The following DVL2 variants were observed in gnomAD, a reference collection of about 807,000 sequenced individuals.
DVL2 encodes the protein segment polarity protein dishevelled homolog DVL-2.
DVL2 carries 38 observed loss-of-function variants against 69.8 expected under a neutral mutation model. That is an observed-to-expected ratio of 0.54 (90% CI 0.42 to 0.71). The LOEUF (loss-of-function observed/expected upper bound fraction) is 0.71. Among genes scored for constraint, DVL2 ranks in the 30% least tolerant of loss-of-function variants. The pLI, the probability that DVL2 is intolerant of heterozygous loss-of-function variation, is 0.00. For missense variants in DVL2, 931 were observed against 1,008.1 expected (o/e 0.92, Z 1.04); for synonymous variants, 428 against 392.4 (o/e 1.09, Z -1.07).
intron 10 of DVL2, 66 bp downstream of exon 10, chr17:7,227,911 G>T (rs928803265): frequency 6.4e-7 from 1 of 1,573,108 alleles, no homozygotes; most frequent in Non-Finnish European, 8.6e-7. Context: ...ATGACCACAG[G>T]CCCGGCCCCA....
intron 9 of DVL2, chr17:7,228,663 C>T (rs2071495327): frequency 2.9e-6 from 1 of 342,950 alleles, no homozygotes; most frequent in Non-Finnish European, 5.4e-6. Context: ...TCACTGCAAC[C>T]TCCACCCCCC....
At position 7,234,191 on chromosome 17, in the gene DVL2, C is replaced by T. The variant is rs776994069; in HGVS notation, c.72G>A (p.Glu24=). The change falls in exon 1 of 15, where the codon GAG becomes GAA. Residue 24 remains glutamate, a synonymous_variant. Transcript: ENST00000005340. ...TKVIYHLDEE[E]TPYLVKIPVP... is the part of the protein sequence containing the mutation. ...CAGGGATCTTCACCAGGTAGGGAGT[C>T]TCTTCCTCATCCAGGTGGTAAATCA... 12 of 1,614,172 alleles carry T rather than the reference C, an allele frequency of 7.4e-6. No individual in the cohort carries two copies. The highest frequency in any genetic ancestry group is 1.7e-4 in the Middle Eastern group (1 of 6,058).
In DVL2 at chr17:7,230,376, G is replaced by A. The variant is rs772423522; in HGVS notation, c.319C>T (p.Arg107Trp). Reference protein sequence around the residue: ...PEMAPPVHEPRAELAPPAPPL... With the variant: ...PEMAPPVHEPWAELAPPAPPL... ...GGGGCTGGAGGCGCCAGTTCTGCCC[G>A]AGGCTCATGGACTGGAGGGGCCATC... The change falls in exon 3 of 15, where the codon CGG (arginine) becomes TGG (tryptophan). Residue 107 changes from arginine (R) to tryptophan (W), a missense_variant. Transcript: ENST00000005340. 2.7e-5 allele frequency: 43 copies of A among 1,614,052 alleles called. 1 individual carries two copies. Among genetic ancestry groups the A allele is most frequent in the East Asian group, 2.0e-4 (9 of 44,892 alleles).
At position 7,225,829 on chromosome 17, in the gene DVL2, C is replaced by A; in HGVS notation, c.*36G>T. ...GACGGCCAGGACACCCAGTCACACA[C>A]CAGGAGCGCCCGGCCCAGCCTGGCC... On this transcript the variant is annotated 3_prime_UTR_variant, in exon 15 of 15. Coordinates refer to ENST00000005340, the MANE Select transcript of DVL2 (RefSeq NM_004422.3). The A allele has an allele frequency of 1.3e-6, 2 of 1,587,592 alleles. No individual in the cohort carries two copies. The highest frequency in any genetic ancestry group is 1.7e-6 in the Non-Finnish European group (2 of 1,157,694).
intron 1 of DVL2, 97 bp from the exon 2 acceptor site, chr17:7,230,894 G>A: frequency 1.1e-6 from 1 of 913,160 alleles, no homozygotes; most frequent in Non-Finnish European, 1.7e-6. Context: ...GCTCCAGGAT[G>A]TTGACTTTCT....
In DVL2 at chr17:7,229,819, G is replaced by A; in HGVS notation, c.645C>T (p.Asp215=). The A allele has an allele frequency of 3.1e-6, 5 of 1,611,926 alleles. No individual in the cohort carries two copies. In the South Asian group the frequency reaches 4.4e-5, roughly 14 times the overall value. The change falls in exon 5 of 15, where the codon GAC becomes GAT. Residue 215 remains aspartate, a synonymous_variant. Transcript: ENST00000005340. The surrounding 1 kb of genome is among the most constrained non-coding windows in gnomAD (Gnocchi z 4.4). ...STSLGDSDEE[D]TMSRFSSSTE... is the part of the protein sequence containing the mutation. ...GTGCGGAGCCACACCTGCTCATGGT[G>A]TCCTCCTCGTCCGAGTCCCCCAGGC...
At position 7,227,505 on chromosome 17, in the gene DVL2, G is replaced by A. The variant is rs537514398; in HGVS notation, c.1262C>T (p.Thr421Met). Residue 421 changes from threonine to methionine, a missense_variant, in exon 12 of 15, where the codon ACG becomes ATG. By Grantham distance (81) the Thr-to-Met change is moderately conservative. This residue lies in a region of DVL2 where 555 missense variants were observed against 588.8 expected (regional missense o/e 0.94). Transcript: ENST00000005340. ...GGCCTTGGTCACCGATGCCATGTCCGTATGGACGGAGAGACCCCGGCCTTC... is the reference window on the plus strand; with the variant it reads ...GGCCTTGGTCACCGATGCCATGTCCATATGGACGGAGAGACCCCGGCCTTC... Reference protein sequence around the residue: ...GCEGRGLSVHTDMASVTKAMA... With the variant: ...GCEGRGLSVHMDMASVTKAMA... The A allele has an allele frequency of 1.9e-5, 31 of 1,614,148 alleles. No homozygotes were observed. The highest frequency in any genetic ancestry group is 1.3e-4 in the African/African-American group (10 of 75,058).
At chr17:7,228,102 G>A (rs1253539471) in intron 9 of DVL2, 58 bp from the exon 10 acceptor site, 34 of 1,413,174 alleles carry the variant, frequency 2.4e-5, no homozygotes, top group Admixed American at 6.8e-5. Flanking sequence ...TCAGGAGGGC[G>A]GGGGTCTGAA....
chr17:7,226,000 G>A lies in DVL2; in HGVS notation c.2076C>T (p.Val692=). ...VVMMPPPPPP[V]PPAVQPPGAP... ...CCCCCGGAGGCTGCACTGCTGGAGGGACTGGAGGTGGAGGTGGGGGCATCA... is the reference window on the plus strand; with the variant it reads ...CCCCCGGAGGCTGCACTGCTGGAGGAACTGGAGGTGGAGGTGGGGGCATCA... Residue 692 remains valine (V), a synonymous_variant, in exon 15 of 15, where the codon GTC becomes GTT. Transcript: ENST00000005340. 2 of 1,613,474 alleles carry A rather than the reference G, an allele frequency of 1.2e-6. No homozygotes were observed. The highest frequency in any genetic ancestry group is 1.1e-5 in the South Asian group (1 of 91,072).
chr17:7,228,672 C>G (rs376817494), intron 9 of DVL2: 70 of 367,324 alleles, frequency 1.9e-4, no homozygotes, highest in African/African-American at 1.3e-3. Flanking sequence ...CCTCCACCCC[C>G]CAGGGTTCAA....
chr17:7,233,366 T>G (rs559406313), intron 1 of DVL2, among the ~76,000 whole-genome samples: 61 of 152,012 alleles, frequency 4.0e-4, no homozygotes, highest in Non-Finnish European at 7.5e-4. Context: ...TACCGAGTGC[T>G]CCAATAAAAC....
rs965000196 is a variant in DVL2, at chr17:7,234,374, G to C, written c.-112C>G. 3.6e-5 allele frequency: 44 copies of C among 1,233,886 alleles called. No individual in the cohort carries two copies. Among genetic ancestry groups the C allele is most frequent in the Non-Finnish European group, 4.7e-5 (42 of 887,674 alleles). 76.4% of individuals were successfully genotyped at this position (1,233,886 alleles called of 1,614,324 possible). ...CGCGAGCGCGGACAGGACTGACCCA[G>C]TACGGGAGAGAAGCAAAGGGGAAAA... On this transcript the variant is annotated 5_prime_UTR_variant, in exon 1 of 15. Coordinates refer to ENST00000005340, the MANE Select transcript of DVL2 (RefSeq NM_004422.3).
rs761710493 is a variant in DVL2, at chr17:7,228,053, A to T, written c.1035-9T>A. 1.3e-6 allele frequency: 2 copies of T among 1,530,874 alleles called. No individual in the cohort carries two copies. 94.8% of individuals were successfully genotyped at this position (1,530,874 alleles called of 1,614,324 possible). A position where few individuals can be genotyped will look rare whatever the true frequency, so the allele number is the denominator to read the frequency against. ...CAGTCAGCACAATGGGGCTATGGGG[A>T]AGAGAAGTCCAGTCAAGGGCGCAGG... On this transcript the variant is annotated splice_polypyrimidine_tract_variant and intron_variant, in intron 9 of 14. Coordinates refer to ENST00000005340, the MANE Select transcript of DVL2 (RefSeq NM_004422.3).
rs758673316 is a variant in DVL2 at position 7,225,995 on chromosome 17, G to A, written c.2081C>T (p.Pro694Leu). 3.1e-6 allele frequency: 5 copies of A among 1,613,510 alleles called. No homozygotes were observed. The highest frequency in any genetic ancestry group is 3.4e-6 in the Non-Finnish European group (4 of 1,179,860). ...AGGGGCCCCCGGAGGCTGCACTGCT[G>A]GAGGGACTGGAGGTGGAGGTGGGGG... ...MMPPPPPPVP[P>L]AVQPPGAPPV... is the part of the protein sequence containing the mutation. Residue 694 changes from proline to leucine, a missense_variant, in exon 15 of 15, where the codon CCA becomes CTA. Pro to Leu is a moderately conservative substitution (Grantham distance 98). Transcript: ENST00000005340.
At chr17:7,228,903 C>T in intron 9 of DVL2, 66 bp downstream of exon 9, 3 of 1,559,508 alleles carry the variant, frequency 1.9e-6, no homozygotes, top group South Asian at 1.1e-5. Context: ...TATTAAAATT[C>T]CAAAACAAAA....
chr17:7,229,954 A>T lies in DVL2; in HGVS notation c.521-11T>A. ...TCCTGTGGCCCCCAGCTACATATGGACAGGAAGCTCAAGAACCAAGCTTCC... is the reference window on the plus strand; with the variant it reads ...TCCTGTGGCCCCCAGCTACATATGGTCAGGAAGCTCAAGAACCAAGCTTCC... On this transcript the variant is annotated splice_polypyrimidine_tract_variant and intron_variant, in intron 4 of 14. Coordinates refer to ENST00000005340, the MANE Select transcript of DVL2 (RefSeq NM_004422.3). This position sits in a 1 kb window ranked among gnomAD's most constrained non-coding sequence, Gnocchi z 4.4. 6.2e-7 allele frequency: 1 copy of T among 1,608,122 alleles called. No individual in the cohort carries two copies. The highest frequency in any genetic ancestry group is 8.5e-7 in the Non-Finnish European group (1 of 1,179,732).
At position 7,226,268 on chromosome 17, in the gene DVL2, C is replaced by A; in HGVS notation, c.1808G>T (p.Arg603Leu). 6.3e-7 allele frequency: 1 copy of A among 1,599,102 alleles called. No homozygotes were observed. The highest frequency in any genetic ancestry group is 8.5e-7 in the Non-Finnish European group (1 of 1,174,050). Reference protein sequence around the residue: ...GSTRSDGGAGRTGRPEERAPE... With the variant: ...GSTRSDGGAGLTGRPEERAPE... ...GGCCCGCTCCTCGGGCCTCCCCGTG[C>A]GCCCTGCCCCCCCATCACTCCGTGT... Residue 603 changes from arginine (R) to leucine (L), a missense_variant, in exon 15 of 15, where the codon CGC becomes CTC. Around this residue, in one of 3 missense-constraint regions of DVL2, gnomAD observed 314 missense variants for 313.7 expected, o/e 1.00. Transcript: ENST00000005340.
rs1159022114 is a variant in DVL2 at position 7,228,253 on chromosome 17, CAA to C, written c.1035-211_1035-210del. ...CTTAAAAACATACTGCCAAGTGAGA[CAA>C]GAGAGTACACGCTGTACAGTTCCAT... is the stretch of plus-strand genomic sequence containing the variant. On this transcript the variant is annotated intron_variant, in intron 9 of 14. Transcript: ENST00000005340. The C allele has an allele frequency of 5.1e-5, 26 of 510,550 alleles. No homozygotes were observed. In the East Asian group the frequency reaches 6.7e-4, roughly 13 times the overall value. The allele number at this position is 510,550 out of a possible 1,614,324, so 31.6% of individuals were successfully genotyped here. A position where few individuals can be genotyped will look rare whatever the true frequency, so the allele number is the denominator to read the frequency against.
intron 9 of DVL2, 26 bp from the exon 10 acceptor site, chr17:7,228,070 G>A: frequency 6.6e-7 from 1 of 1,519,372 alleles, no homozygotes; most frequent in South Asian, 1.3e-5. Context: ...GTCCAGTCAA[G>A]GGCGCAGGGG....
Sources: allele counts gnomAD v4.1 joint callset (sites outside exome capture counted in the v4.1 genomes callset), GRCh38; gene constraint gnomAD v4.1.1; regional missense constraint gnomAD v4.1.1; non-coding constraint Gnocchi (gnomAD v3.1); transcripts MANE v1.5; gene names NCBI Gene and HGNC (gene_info 2026-07-23, HGNC 2026-07-21).